TRAF5: variants seen among roughly 807,000 people sequenced by gnomAD.
TRAF5 encodes the protein TNF receptor associated factor 5.
A neutral mutation model predicts 64.5 loss-of-function variants in TRAF5; 48 were observed. The observed-to-expected ratio is 0.74, with a 90% CI of 0.59 to 0.95. The LOEUF (loss-of-function observed/expected upper bound fraction) is 0.95. TRAF5 is among the 40% of genes least tolerant of loss of function. The pLI, the probability that TRAF5 is intolerant of heterozygous loss-of-function variation, is 0.00. For missense variants in TRAF5, 545 were observed against 662.8 expected (o/e 0.82, Z 1.95); for synonymous variants, 206 against 240.5 (o/e 0.86, Z 1.33).
intron 6 of TRAF5, 24 bp from the exon 7 acceptor site, chr1:211,361,064 A>T: frequency 6.2e-7 from 1 of 1,610,778 alleles, no homozygotes; most frequent in Non-Finnish European, 8.5e-7. Flanking sequence ...GAATTTCTAT[A>T]GCTTGTGACT....
chr1:211,359,400 C>G (rs997795927), intron 4 of TRAF5: 2 of 152,354 alleles, frequency 1.3e-5, no homozygotes, highest in Non-Finnish European at 2.9e-5. Flanking sequence ...TTCTTTTCAT[C>G]TTCTTAATCC....
chr1:211,365,467 A>G lies in TRAF5; in HGVS notation c.788A>G (p.Gln263Arg). Residue 263 changes from glutamine (Q) to arginine (R), a missense_variant and splice_region_variant, in exon 8 of 11, where the codon CAG becomes CGG. Gln to Arg is a conservative substitution (Grantham distance 43, BLOSUM62 1). Transcript: ENST00000261464. Reference protein sequence around the residue: ...VLEKNVQLEEQISDLHKSLEQ... With the variant: ...VLEKNVQLEERISDLHKSLEQ... ...GAAAAGAATGTCCAATTAGAAGAACAGGTAAATCTTCAAAGGTTCAAATAA... is the reference window on the plus strand; with the variant it reads ...GAAAAGAATGTCCAATTAGAAGAACGGGTAAATCTTCAAAGGTTCAAATAA... 6.2e-7 allele frequency: 1 copy of G among 1,611,380 alleles called. No individual in the cohort carries two copies.
intron 1 of TRAF5, among the ~76,000 whole-genome samples, chr1:211,329,478 T>C (rs781030591): frequency 1.9e-4 from 29 of 152,332 alleles, no homozygotes; most frequent in Admixed American, 5.9e-4. Flanking sequence ...CCACTTTACC[T>C]GGTTGCAAGC....
At chr1:211,371,829 A>G (rs1228920279) in intron 10 of TRAF5, among the ~76,000 whole-genome samples, 1 of 152,278 alleles carries the variant, frequency 6.6e-6, no homozygotes, top group Non-Finnish European at 1.5e-5. Context: ...GCCATTTAAA[A>G]GCATTCTAGT....
chr1:211,331,239 C>G (rs1178690808), intron 1 of TRAF5, among the ~76,000 whole-genome samples: 1 of 152,136 alleles, frequency 6.6e-6, no homozygotes, highest in Non-Finnish European at 1.5e-5. Flanking sequence ...CCTTTTCATG[C>G]TGCTGCAGAG....
chr1:211,341,235 C>T (rs1312702127), intron 1 of TRAF5, among the ~76,000 whole-genome samples: 1 of 152,018 alleles, frequency 6.6e-6, no homozygotes, highest in Non-Finnish European at 1.5e-5. Flanking sequence ...TTTGGGGAAC[C>T]CTGCAGGAGT....
At chr1:211,328,342 C>T (rs1029186508) in intron 1 of TRAF5, among the ~76,000 whole-genome samples, 10 of 152,156 alleles carry the variant, frequency 6.6e-5, no homozygotes, top group Admixed American at 3.9e-4. Flanking sequence ...TTTGTTGTAA[C>T]TCTATGGAAT....
chr1:211,347,845 G>C (rs1004882437), intron 1 of TRAF5, among the ~76,000 whole-genome samples: 3 of 152,212 alleles, frequency 2.0e-5, no homozygotes, highest in Admixed American at 2.0e-4. Flanking sequence ...TCAGGTAAGA[G>C]CCAATTGTGT....
intron 1 of TRAF5, among the ~76,000 whole-genome samples, chr1:211,334,443 G>C (rs781205868): frequency 6.6e-6 from 1 of 152,182 alleles, no homozygotes; most frequent in Non-Finnish European, 1.5e-5. Flanking sequence ...CTGATCACAA[G>C]GTCAGGAGAT....
chr1:211,373,992 C>T lies in TRAF5; in HGVS notation c.*1290C>T, dbSNP rs1396902333. 1.3e-5 allele frequency: 2 copies of T among 152,210 alleles called. No homozygotes were observed. The highest frequency in any genetic ancestry group is 3.8e-4 in the East Asian group (2 of 5,196). 9.4% of individuals were successfully genotyped at this position (152,210 alleles called of 1,614,324 possible). On this transcript the variant is annotated 3_prime_UTR_variant, in exon 11 of 11. Coordinates refer to ENST00000261464, the MANE Select transcript of TRAF5 (RefSeq NM_001033910.3). ...AAGTGATCTGCCCGCCTCGGCCTCC[C>T]AAAGTGCTGAGATTACAGGCATGAC...
In TRAF5 at chr1:211,372,631, A is replaced by G. The variant is rs1703577043; in HGVS notation, c.1603A>G (p.Asn535Asp). 6.2e-7 allele frequency: 1 copy of G among 1,614,218 alleles called. No homozygotes were observed. Among genetic ancestry groups the G allele is most frequent in the African/African-American group, 1.3e-5 (1 of 75,056 alleles). Residue 535 changes from asparagine to aspartate, a missense_variant, in exon 11 of 11, where the codon AAC becomes GAC. Physicochemically the swap from Asn to Asp is conservative, Grantham distance 23. Coordinates refer to ENST00000261464, the MANE Select transcript of TRAF5 (RefSeq NM_001033910.3). ...TCATTCTGTTTTGGAGAATGCCAAG[A>G]ACGCCTACATTAAAGATGACACTCT... ...VAHSVLENAK[N>D]AYIKDDTLFL...
chr1:211,370,561 A>G lies in TRAF5; in HGVS notation c.931-741A>G, dbSNP rs117843984. 2.7e-3 allele frequency among the ~76,000 whole-genome samples: 408 copies of G among 152,362 alleles called. 9 individuals are homozygous for G. The East Asian group carries it at 0.062, about 23-fold the overall frequency. On this transcript the variant is annotated intron_variant, in intron 9 of 10. Coordinates refer to ENST00000261464, the MANE Select transcript of TRAF5 (RefSeq NM_001033910.3). ...ATTAAGTTGAAAATATCGTAAGTCA[A>G]AAATGTGTTTGATACACCTAACCTA...
At chr1:211,361,054 G>A in intron 6 of TRAF5, 34 bp from the exon 7 acceptor site, 1 of 1,606,240 alleles carries the variant, frequency 6.2e-7, no homozygotes, top group Non-Finnish European at 8.5e-7. Context: ...AATAAGTGAT[G>A]AATTTCTATA....
At position 211,334,485 on chromosome 1, in the gene TRAF5, C is replaced by T. The variant is rs192752243; in HGVS notation, c.-2+7596C>T. Among the ~76,000 whole-genome samples, 12 of 152,264 alleles carry T rather than the reference C, an allele frequency of 7.9e-5. 1 individual carries two copies. The highest frequency in any genetic ancestry group is 5.8e-4 in the East Asian group (3 of 5,184). ...CATCCTGGCTAACACGGTGAAACTCCGTCTTTACTAAAAATACAAAAAATT... is the reference window on the plus strand; with the variant it reads ...CATCCTGGCTAACACGGTGAAACTCTGTCTTTACTAAAAATACAAAAAATT... On this transcript the variant is annotated intron_variant, in intron 1 of 10. Transcript: ENST00000261464.
upstream of TRAF5, chr1:211,326,793 A>C (rs1379956163): frequency 1.0e-5 from 10 of 983,894 alleles, no homozygotes; most frequent in Non-Finnish European, 1.2e-5. The surrounding 1 kb of genome is among the most constrained non-coding windows in gnomAD (Gnocchi z 5.0). Context: ...GCCCCGCCCC[A>C]GGCCTCGCCT....
intron 3 of TRAF5, among the ~76,000 whole-genome samples, chr1:211,355,726 T>C (rs1000767203): frequency 1.3e-5 from 2 of 152,244 alleles, no homozygotes; most frequent in Non-Finnish European, 2.9e-5. Flanking sequence ...GAAACCCTCA[T>C]ATTTTTGCAA....
In TRAF5 at chr1:211,344,485, T is replaced by G. The variant is rs182258078; in HGVS notation, c.-1-8754T>G. ...GCGTCGGTGGACTGTGGTCACATGTTGTCTGGTTGTCGTGGTGTCACCTGG... is the reference window on the plus strand; with the variant it reads ...GCGTCGGTGGACTGTGGTCACATGTGGTCTGGTTGTCGTGGTGTCACCTGG... On this transcript the variant is annotated intron_variant, in intron 1 of 10. Transcript: ENST00000261464. 4.6e-3 allele frequency among the ~76,000 whole-genome samples: 695 copies of G among 152,322 alleles called. 1 individual carries two copies. Among genetic ancestry groups the G allele is most frequent in the Non-Finnish European group, 8.4e-3 (569 of 68,028 alleles).
At chr1:211,347,087 A>G (rs906439522) in intron 1 of TRAF5, among the ~76,000 whole-genome samples, 22 of 151,824 alleles carry the variant, frequency 1.4e-4, no homozygotes, top group Admixed American at 1.2e-3. Context: ...AGCAGTTTTG[A>G]TATGTTTTTT....
chr1:211,329,461 A>G (rs998940473), intron 1 of TRAF5, among the ~76,000 whole-genome samples: 10 of 152,214 alleles, frequency 6.6e-5, no homozygotes, highest in Non-Finnish European at 1.5e-4. Context: ...GGCACATGCT[A>G]TTCCTTCCAC....
Sources: gnomAD v4.1 joint callset for allele counts (sites outside exome capture counted in the v4.1 genomes callset) on GRCh38, gnomAD v4.1.1 for gene constraint, Gnocchi (gnomAD v3.1) non-coding constraint, MANE v1.5 for transcripts, NCBI Gene and HGNC (gene_info 2026-07-23, HGNC 2026-07-21) for gene names.